Variants in COL6A6 observed in about 807,000 individuals in gnomAD.
COL6A6 encodes the protein collagen type VI alpha 6 chain, also known as collagen alpha-6(VI) chain.
A neutral mutation model predicts 208.6 loss-of-function variants in COL6A6; 183 were observed. That is an observed-to-expected ratio of 0.88 (90% CI 0.78 to 0.99). The LOEUF (loss-of-function observed/expected upper bound fraction) is 0.99, where lower values mean the gene tolerates loss of function less well. Ranked by LOEUF, COL6A6 falls within the 50% of genes least tolerant of loss-of-function variation. The pLI is 0.00. For synonymous variants in COL6A6, 973 were observed against 1,011.8 expected, an observed-to-expected ratio of 0.96 and a Z score of 0.73; for missense variants, 2,816 against 2,815.2, an observed-to-expected ratio of 1.00 and a Z score of -0.01.
intron 7 of COL6A6, among the ~76,000 whole-genome samples, chr3:130,573,332 A>G (rs1044676743): frequency 5.9e-5 from 9 of 152,174 alleles, no homozygotes; most frequent in Non-Finnish European, 1.3e-4. Context: ...GTTGTAGATG[A>G]GAACAAGTTT....
chr3:130,635,477 A>G (rs1330735224), intron 27 of COL6A6, among the ~76,000 whole-genome samples: 2 of 152,224 alleles, frequency 1.3e-5, no homozygotes, highest in African/African-American at 4.8e-5. Flanking sequence ...CCAAAGAGCC[A>G]GTGTTCTCAC....
chr3:130,576,600 A>T (rs2063303833), intron 8 of COL6A6, among the ~76,000 whole-genome samples: 1 of 152,228 alleles, frequency 6.6e-6, no homozygotes, highest in East Asian at 1.9e-4. Flanking sequence ...AACCATGTGG[A>T]AAGTAAAAAA....
chr3:130,665,666 A>C (rs1475186870), intron 36 of COL6A6, among the ~76,000 whole-genome samples: 1 of 152,242 alleles, frequency 6.6e-6, no homozygotes, highest in African/African-American at 2.4e-5. Flanking sequence ...GAGGACTTCC[A>C]AAAATGGAGG....
intron 10 of COL6A6, among the ~76,000 whole-genome samples, chr3:130,583,316 GA>G (rs1252261925): frequency 6.6e-6 from 1 of 152,254 alleles, no homozygotes; most frequent in Admixed American, 6.5e-5. Flanking sequence ...GAGCTGTAAT[GA>G]AGGTTTTAAT....
intron 33 of COL6A6, among the ~76,000 whole-genome samples, chr3:130,651,956 T>C (rs1455842049): frequency 1.3e-5 from 2 of 152,342 alleles, no homozygotes; most frequent in African/African-American, 4.8e-5. Context: ...TCAAATCTTC[T>C]AGAAACTCTT....
intron 1 of COL6A6, among the ~76,000 whole-genome samples, chr3:130,545,317 G>C (rs2107770767): frequency 6.6e-6 from 1 of 152,248 alleles, no homozygotes; most frequent in East Asian, 1.9e-4. Flanking sequence ...TCTAACTTTT[G>C]AAGGGTAATT....
chr3:130,594,444 T>A, intron 18 of COL6A6, 101 bp downstream of exon 18: 1 of 853,266 alleles, frequency 1.2e-6, no homozygotes, highest in Non-Finnish European at 1.9e-6. Context: ...ACCCTGAGTT[T>A]AAAACACCAC....
Position 130,563,605 on chromosome 3 carries a change from A to G in COL6A6, c.602A>G (p.His201Arg), listed in dbSNP as rs773669480. Reference sequence around the variant, plus strand: ...AGCATGTTTTCCCAAAACATGACACACATCATCAAGGATGTAATAAAGTAC... The same window carrying G: ...AGCATGTTTTCCCAAAACATGACACGCATCATCAAGGATGTAATAAAGTAC... ...DLSMFSQNMT[H>R]IIKDVIKYKE... The change falls in exon 3 of 37, where the codon CAC becomes CGC. Residue 201 changes from histidine (H) to arginine (R), a missense_variant. By Grantham distance (29) the His-to-Arg change is conservative. Transcript: ENST00000358511. 6.2e-7 allele frequency: 1 copy of G among 1,614,038 alleles called. No individual in the cohort carries two copies. Among genetic ancestry groups the G allele is most frequent in the Non-Finnish European group, 8.5e-7 (1 of 1,179,888 alleles).
chr3:130,578,723 G>C (rs2063350897), intron 8 of COL6A6, among the ~76,000 whole-genome samples: 1 of 152,144 alleles, frequency 6.6e-6, no homozygotes, highest in East Asian at 1.9e-4. Flanking sequence ...GAAACTGCTG[G>C]GGAAATCAGA....
chr3:130,544,855 C>T (rs1309352497), intron 1 of COL6A6, among the ~76,000 whole-genome samples: 2 of 152,138 alleles, frequency 1.3e-5, no homozygotes, highest in East Asian at 3.8e-4. Flanking sequence ...TGTTCCGGTC[C>T]TTTACCCATT....
intron 6 of COL6A6, among the ~76,000 whole-genome samples, chr3:130,570,593 C>A (rs2063138983): frequency 6.6e-6 from 1 of 152,234 alleles, no homozygotes; most frequent in East Asian, 1.9e-4. Context: ...GCAGTGGGCC[C>A]CCACTGACTC....
chr3:130,561,343 C>T (rs1479493737), intron 2 of COL6A6, among the ~76,000 whole-genome samples: 1 of 152,232 alleles, frequency 6.6e-6, no homozygotes, highest in African/African-American at 2.4e-5. Context: ...TACACTCTCA[C>T]TTATTTCTTC....
At position 130,661,840 on chromosome 3, in the gene COL6A6, C is replaced by G. The variant is rs1211290435; in HGVS notation, c.6034C>G (p.Leu2012Val). The G allele has an allele frequency of 3.7e-6, 6 of 1,613,858 alleles. No homozygotes were observed. The highest frequency in any genetic ancestry group is 1.6e-4 in the Middle Eastern group (1 of 6,062). The change falls in exon 35 of 37, where the codon CTA becomes GTA. Residue 2012 changes from leucine to valine, a missense_variant. By Grantham distance (32) the Leu-to-Val change is conservative (BLOSUM62 1). Transcript: ENST00000358511. ...ETSVTGDRVA[L>V]LSHAPPDFLP... ...TTCTGTCACTGGAGACCGGGTGGCC[C>G]TATTGAGCCATGCTCCCCCCGACTT... is the stretch of plus-strand genomic sequence containing the variant.
At chr3:130,648,943 GT>G (rs572841254) in intron 32 of COL6A6, 125 bp from the exon 33 acceptor site, 23 of 752,994 alleles carry the variant, frequency 3.1e-5, no homozygotes, top group African/African-American at 3.0e-4. Flanking sequence ...TTACATGTTT[GT>G]TTTAATACTT....
intron 20 of COL6A6, among the ~76,000 whole-genome samples, chr3:130,600,092 T>G (rs150749767): frequency 6.6e-6 from 1 of 152,324 alleles, no homozygotes; most frequent in Non-Finnish European, 1.5e-5. Context: ...GGTCAAAGTG[T>G]GGCCTACTAG....
rs768272425 is a variant in COL6A6, at chr3:130,649,133, C to A, written c.5304C>A (p.Val1768=). ...TTGCCCTGGACCACTCCCGGGATGT[C>A]ACTGAGCAGGAATTTGAGCGGATGA... The part of the protein sequence containing the change: ...LVFALDHSRD[V]TEQEFERMKE... The change falls in exon 33 of 37, where the codon GTC becomes GTA. Residue 1768 remains valine (V), a synonymous_variant. Transcript: ENST00000358511. 1 of 1,585,816 alleles carries A rather than the reference C, an allele frequency of 6.3e-7. No individual in the cohort carries two copies. Among genetic ancestry groups the A allele is most frequent in the Non-Finnish European group, 8.6e-7 (1 of 1,165,502 alleles).
Position 130,635,684 on chromosome 3 carries a change from A to G in COL6A6, c.5029-15A>G, listed in dbSNP as rs1344424684. The G allele has an allele frequency of 1.9e-6, 3 of 1,571,270 alleles. No individual in the cohort carries two copies. Among genetic ancestry groups the G allele is most frequent in the Non-Finnish European group, 2.6e-6 (3 of 1,144,988 alleles). On this transcript the variant is annotated splice_polypyrimidine_tract_variant and intron_variant, in intron 27 of 36. Transcript: ENST00000358511. Reference sequence around the variant, plus strand: ...TTGATTTTAATAACTATTTTACTTTAATAAATGTATTTAGGGTGAGATTGG... The same window carrying G: ...TTGATTTTAATAACTATTTTACTTTGATAAATGTATTTAGGGTGAGATTGG...
chr3:130,557,395 A>G (rs2107832669), intron 1 of COL6A6, among the ~76,000 whole-genome samples: 1 of 152,324 alleles, frequency 6.6e-6, no homozygotes, highest in East Asian at 1.9e-4. Flanking sequence ...CCAAGGATTT[A>G]TCCTGCAGCA....
In COL6A6 at chr3:130,653,844, G is replaced by T. The variant is rs2065712835; in HGVS notation, c.5733+4282G>T. On this transcript the variant is annotated intron_variant, in intron 33 of 36. Coordinates refer to ENST00000358511, the MANE Select transcript of COL6A6 (RefSeq NM_001102608.3). ...GTTGGGGGAAGTGGGGAGGTATTGG[G>T]TGAGAGTGCAGACCCCCTGTGGACT... Among the ~76,000 whole-genome samples the T allele has an allele frequency of 2.6e-5, 4 of 152,148 alleles. No homozygotes were observed. In the South Asian group the frequency reaches 8.3e-4, roughly 32 times the overall value.
Sources: gnomAD v4.1 joint callset for allele counts (sites outside exome capture counted in the v4.1 genomes callset) on GRCh38, gnomAD v4.1.1 for gene constraint, MANE v1.5 for transcripts, NCBI Gene and HGNC (gene_info 2026-07-23, HGNC 2026-07-21) for gene names.